MEAK7: variants seen among roughly 807,000 people sequenced by gnomAD.
MEAK7 encodes the protein MTOR associated protein MEAK7, also known as MTOR-associated protein MEAK7.
MEAK7 carries 68 observed loss-of-function variants against 40.5 expected under a neutral mutation model. The observed-to-expected ratio is 1.68, with a 90% CI of 1.38 to 2.06. The LOEUF is 2.06. Ranked by LOEUF, MEAK7 falls within the 30% of genes most tolerant of loss-of-function variation. The pLI is 0.00. For missense variants in MEAK7, 918 were observed against 580.5 expected, an observed-to-expected ratio of 1.58 and a Z score of -5.98; for synonymous variants, 338 against 231.9, an observed-to-expected ratio of 1.46 and a Z score of -4.16.
chr16:84,486,525 T>G (rs1321826989), intron 5 of MEAK7, 106 bp downstream of exon 5: 3 of 1,477,950 alleles, frequency 2.0e-6, no homozygotes, highest in Non-Finnish European at 2.7e-6. Context: ...GAGAAACACT[T>G]GGAGAAGATG....
rs1912344861 is a variant in MEAK7 at position 84,479,747 on chromosome 16, G to T, written c.*166C>A. The T allele has an allele frequency of 2.2e-6, 1 of 444,700 alleles. No homozygotes were observed. Among genetic ancestry groups the T allele is most frequent in the Non-Finnish European group, 4.0e-6 (1 of 246,998 alleles). 27.5% of individuals were successfully genotyped at this position (444,700 alleles called of 1,614,324 possible). On this transcript the variant is annotated 3_prime_UTR_variant, in exon 8 of 8. Transcript: ENST00000343629. ...TCTGGGAGATCCACCCATGAGTCAG[G>T]ACATGGCTTCAGAGGGCGTCTTCTT...
chr16:84,497,733 G>T, intron 2 of MEAK7: 1 of 1,356,754 alleles, frequency 7.4e-7, no homozygotes, highest in Non-Finnish European at 1.0e-6. Flanking sequence ...ACACAGTAAC[G>T]GCAGAGCAGA....
intron 1 of MEAK7, among the ~76,000 whole-genome samples, chr16:84,498,978 C>G (rs1012167745): frequency 4.6e-5 from 7 of 152,270 alleles, no homozygotes; most frequent in Non-Finnish European, 1.5e-5. Flanking sequence ...GAGTCACAGC[C>G]CAGCCTCAGA....
intron 4 of MEAK7, 37 bp downstream of exon 4, chr16:84,489,241 G>C: frequency 6.2e-7 from 1 of 1,607,014 alleles, no homozygotes; most frequent in East Asian, 2.2e-5. Context: ...CCGCTCTACA[G>C]CAAAAGACCT....
At chr16:84,489,213 T>C (rs746837179) in intron 4 of MEAK7, 65 bp downstream of exon 4, 374 of 1,569,550 alleles carry the variant, frequency 2.4e-4, no homozygotes, top group Non-Finnish European at 3.0e-4. Flanking sequence ...ACAGCTACAG[T>C]AATGGAGACA....
At position 84,504,171 on chromosome 16, in the gene MEAK7, G is replaced by A; in HGVS notation, c.-26+430C>T. On this transcript the variant is annotated intron_variant, in intron 1 of 7. Transcript: ENST00000343629. ...TCCTGGAAAAGCCCAGATGGGTGTG[G>A]TCAGAATACAAGAAGGAAAACCCCC... is the stretch of plus-strand genomic sequence containing the variant. The A allele has an allele frequency of 3.0e-6, 3 of 985,492 alleles. No individual in the cohort carries two copies. The South Asian group carries it at 1.4e-4, about 46-fold the overall frequency. 61.0% of individuals were successfully genotyped at this position (985,492 alleles called of 1,614,324 possible).
chr16:84,482,754 G>GCCGA, intron 5 of MEAK7, 44 bp from the exon 6 acceptor site: 1 of 1,610,136 alleles, frequency 6.2e-7, no homozygotes, highest in Non-Finnish European at 8.5e-7. Context: ...CGGTGTCTGA[G>GCCGA]CCGGTCCCAC....
At chr16:84,487,589 G>A (rs1913201301) in intron 4 of MEAK7, 1 of 155,162 alleles carries the variant, frequency 6.4e-6, no homozygotes, top group Admixed American at 6.2e-5. Flanking sequence ...AATGTTCCCA[G>A]CCAGTCAAGG....
intron 1 of MEAK7, 96 bp from the exon 2 acceptor site, chr16:84,498,207 A>G: frequency 7.2e-7 from 1 of 1,382,878 alleles, no homozygotes; most frequent in African/African-American, 1.5e-5. Context: ...ATATATACTG[A>G]TATAGCCACA....
chr16:84,477,952 G>A lies in MEAK7; in HGVS notation c.*1961C>T, dbSNP rs1325715326. 1 of 152,206 alleles carries A rather than the reference G, an allele frequency of 6.6e-6. No homozygotes were observed. Among genetic ancestry groups the A allele is most frequent in the Admixed American group, 6.5e-5 (1 of 15,280 alleles). The allele number at this position is 152,206 out of a possible 1,614,324, so 9.4% of individuals were successfully genotyped here. ...ACTCTCCTTAGAACAAGCTCAGGGT[G>A]GAAAGCATGTGAGTGGACAAAGTCC... On this transcript the variant is annotated 3_prime_UTR_variant, in exon 8 of 8. Coordinates refer to ENST00000343629, the MANE Select transcript of MEAK7 (RefSeq NM_020947.4).
chr16:84,491,024 CT>C (rs1190715296), intron 3 of MEAK7, among the ~76,000 whole-genome samples: 2 of 152,186 alleles, frequency 1.3e-5, no homozygotes, highest in Non-Finnish European at 2.9e-5. Context: ...AAAGTTATTA[CT>C]ACACAGCTAC....
Position 84,479,346 on chromosome 16 carries a change from G to A in MEAK7, c.*567C>T, listed in dbSNP as rs148280235. ...TGAGTGAGGCCATATGAACCCCAGCGGGAGGAACCCCCTCCTCAATAGAGA... is the reference window on the plus strand; with the variant it reads ...TGAGTGAGGCCATATGAACCCCAGCAGGAGGAACCCCCTCCTCAATAGAGA... On this transcript the variant is annotated 3_prime_UTR_variant, in exon 8 of 8. Transcript: ENST00000343629. 17 of 152,286 alleles carry A rather than the reference G, an allele frequency of 1.1e-4. No homozygotes were observed. Among genetic ancestry groups the A allele is most frequent in the Non-Finnish European group, 2.2e-4 (15 of 68,064 alleles). 9.4% of individuals were successfully genotyped at this position (152,286 alleles called of 1,614,324 possible).
At chr16:84,488,883 A>T (rs1310534184) in intron 4 of MEAK7, among the ~76,000 whole-genome samples, 1 of 152,220 alleles carries the variant, frequency 6.6e-6, no homozygotes, top group Admixed American at 6.5e-5. Flanking sequence ...GAAACTAGGA[A>T]AAGAAGACCA....
rs1226729340 is a variant in MEAK7 at position 84,486,615 on chromosome 16, G to A, written c.958+16C>T. On this transcript the variant is annotated intron_variant, in intron 5 of 7. Coordinates refer to ENST00000343629, the MANE Select transcript of MEAK7 (RefSeq NM_020947.4). ...GTGCTGTGCCACTCGTCAAGGTTCAGGACACCAAGTCTTACCTTGAAACTG... is the reference window on the plus strand; with the variant it reads ...GTGCTGTGCCACTCGTCAAGGTTCAAGACACCAAGTCTTACCTTGAAACTG... The A allele has an allele frequency of 6.3e-7, 1 of 1,585,176 alleles. No homozygotes were observed. The highest frequency in any genetic ancestry group is 1.8e-5 in the Admixed American group (1 of 56,410).
chr16:84,481,859 G>A (rs1163742131), intron 6 of MEAK7, among the ~76,000 whole-genome samples: 7 of 152,118 alleles, frequency 4.6e-5, no homozygotes, highest in Non-Finnish European at 7.4e-5. Context: ...GCGTGAACCT[G>A]GGAGGCGGAG....
chr16:84,483,208 C>T (rs766691488), intron 5 of MEAK7, among the ~76,000 whole-genome samples: 5 of 152,130 alleles, frequency 3.3e-5, no homozygotes, highest in Admixed American at 6.5e-5. Context: ...GCACGGCCTA[C>T]GAAAGGAAGT....
intron 3 of MEAK7, among the ~76,000 whole-genome samples, chr16:84,492,540 G>T (rs1224821068): frequency 7.0e-6 from 1 of 141,872 alleles, no homozygotes; most frequent in Admixed American, 7.3e-5. Context: ...AATGACCTGT[G>T]ATCTTATTTT....
intron 3 of MEAK7, among the ~76,000 whole-genome samples, chr16:84,490,600 G>C (rs1292310032): frequency 6.8e-6 from 1 of 147,406 alleles, no homozygotes; most frequent in East Asian, 2.0e-4. Context: ...GATTTAAAAT[G>C]ATTTTTTTAA....
chr16:84,500,208 T>C (rs181821538), intron 1 of MEAK7, among the ~76,000 whole-genome samples: 12 of 152,308 alleles, frequency 7.9e-5, no homozygotes, highest in African/African-American at 2.4e-4. Flanking sequence ...TGCTTATCCA[T>C]CATTAGCTGA....
Sources: gnomAD v4.1 joint callset for allele counts (sites outside exome capture counted in the v4.1 genomes callset) on GRCh38, gnomAD v4.1.1 for gene constraint, MANE v1.5 for transcripts, NCBI Gene and HGNC (gene_info 2026-07-23, HGNC 2026-07-21) for gene names.